WDR49: variants seen among roughly 807,000 people sequenced by gnomAD.
The protein encoded by WDR49 is WD repeat domain 49, also known as cilia- and flagella-associated protein 337.
Under a neutral mutation model 119.5 loss-of-function variants are expected in WDR49, and 107 were observed. That is an observed-to-expected ratio of 0.90 (90% CI 0.77 to 1.05). The LOEUF (loss-of-function observed/expected upper bound fraction) is 1.05, where lower values mean the gene tolerates loss of function less well. WDR49 is among the 50% of genes least tolerant of loss of function. The pLI is 0.00. For synonymous variants in WDR49, 425 were observed against 418.8 expected (o/e 1.01, Z -0.18); for missense variants, 1,240 against 1,220.5 (o/e 1.02, Z -0.24).
chr3:167,495,007 T>G (rs1415589401), intron 18 of WDR49, among the ~76,000 whole-genome samples: 1 of 152,168 alleles, frequency 6.6e-6, no homozygotes, highest in African/African-American at 2.4e-5. Flanking sequence ...TCTCATTCTC[T>G]CTGCCGAATT....
chr3:167,642,046 AAGGAT>A (rs1231528001), intron 2 of WDR49, among the ~76,000 whole-genome samples: 1 of 151,968 alleles, frequency 6.6e-6, no homozygotes, highest in Non-Finnish European at 1.5e-5. Context: ...ATGGGAAGAA[AAGGAT>A]AGGGAAGAGA....
At chr3:167,601,285 G>C (rs1212176398) in intron 7 of WDR49, among the ~76,000 whole-genome samples, 1 of 152,072 alleles carries the variant, frequency 6.6e-6, no homozygotes, top group Non-Finnish European at 1.5e-5. Flanking sequence ...GGTTAATTTT[G>C]GTAGAATTTA....
chr3:167,558,428 G>A (rs1427935018), intron 9 of WDR49, among the ~76,000 whole-genome samples: 2 of 152,070 alleles, frequency 1.3e-5, no homozygotes, highest in African/African-American at 4.8e-5. Context: ...CATAGAATAT[G>A]GTCAGAGAAA....
intron 16 of WDR49, among the ~76,000 whole-genome samples, chr3:167,521,677 CTACAAGAAT>C (rs1752438829): frequency 6.6e-6 from 1 of 152,088 alleles, no homozygotes; most frequent in Non-Finnish European, 1.5e-5. Context: ...ATATCTATCT[CTACAAGAAT>C]AAAATAGCCA....
intron 7 of WDR49, among the ~76,000 whole-genome samples, chr3:167,584,421 T>A (rs1158269532): frequency 6.6e-6 from 1 of 152,070 alleles, no homozygotes; most frequent in Non-Finnish European, 1.5e-5. Flanking sequence ...GGGCTTTTCA[T>A]GGGAATGGGA....
intron 11 of WDR49, among the ~76,000 whole-genome samples, chr3:167,535,702 G>A (rs756593669): frequency 8.5e-5 from 13 of 152,064 alleles, no homozygotes; most frequent in Non-Finnish European, 1.6e-4. Context: ...ATTGAAAATA[G>A]AACTACCATA....
intron 2 of WDR49, among the ~76,000 whole-genome samples, chr3:167,648,228 T>G (rs1440409271): frequency 6.6e-6 from 1 of 152,232 alleles, no homozygotes; most frequent in Non-Finnish European, 1.5e-5. Context: ...AATAACATGA[T>G]GCCAACATAA....
chr3:167,627,853 T>A (rs899602951), intron 2 of WDR49, among the ~76,000 whole-genome samples: 10 of 152,252 alleles, frequency 6.6e-5, no homozygotes, highest in Admixed American at 6.5e-4. Flanking sequence ...ACTTTGCCGA[T>A]ATTGTGATTT....
At chr3:167,508,855 A>C (rs1209388572) in intron 16 of WDR49, among the ~76,000 whole-genome samples, 2 of 152,202 alleles carry the variant, frequency 1.3e-5, no homozygotes, top group Admixed American at 1.3e-4. Context: ...ATGGGATTTT[A>C]ATATTTTGTG....
At chr3:167,516,902 C>T (rs1487975730) in intron 16 of WDR49, among the ~76,000 whole-genome samples, 1 of 152,014 alleles carries the variant, frequency 6.6e-6, no homozygotes, top group East Asian at 1.9e-4. Flanking sequence ...AAAAAGTGGG[C>T]AAAGGATATG....
At position 167,621,489 on chromosome 3, in the gene WDR49, GA is replaced by G. The variant is rs1716866446; in HGVS notation, c.760del (p.Ser254LeufsTer5). ...DPLDANESIL[S>X]FGDITGKVQA... ...TACCTTTCCAGTTATATCCCCAAAA[GA>G]AAGAATTGATTCATTGGCATCAAGA... On this transcript the variant is annotated frameshift_variant, in exon 4 of 19. Transcript: ENST00000682715. LOFTEE classifies it high-confidence loss of function. 1 of 1,532,626 alleles carries G rather than the reference GA, an allele frequency of 6.5e-7. No individual in the cohort carries two copies. The highest frequency in any genetic ancestry group is 8.7e-7 in the Non-Finnish European group (1 of 1,145,116). The allele number at this position is 1,532,626 out of a possible 1,614,324, so 94.9% of individuals were successfully genotyped here.
At chr3:167,596,874 A>G (rs1281575297) in intron 7 of WDR49, among the ~76,000 whole-genome samples, 1 of 147,596 alleles carries the variant, frequency 6.8e-6, no homozygotes, top group South Asian at 2.1e-4. Context: ...GTATAATAAT[A>G]AATAAATAAA....
intron 3 of WDR49, among the ~76,000 whole-genome samples, chr3:167,626,527 A>T (rs4484191): frequency 0.29 from 43,667 of 151,944 alleles, 6,826 homozygotes; most frequent in African/African-American, 0.41. Flanking sequence ...TTCCCCTTAA[A>T]TCCATTGAAT....
At chr3:167,615,443 T>TAAA (rs57991972) in intron 5 of WDR49, among the ~76,000 whole-genome samples, 3 of 135,096 alleles carry the variant, frequency 2.2e-5, no homozygotes, top group Admixed American at 7.5e-5. Context: ...GCTCTCCATT[T>TAAA]AAAAAAAAAA....
chr3:167,592,597 G>A (rs1177758173), intron 7 of WDR49, among the ~76,000 whole-genome samples: 1 of 151,934 alleles, frequency 6.6e-6, no homozygotes, highest in African/African-American at 2.4e-5. Flanking sequence ...ACCACGCCCA[G>A]CTAATTTTTG....
chr3:167,605,024 G>GTA (rs1329564338), intron 5 of WDR49, among the ~76,000 whole-genome samples: 5 of 151,318 alleles, frequency 3.3e-5, no homozygotes, highest in African/African-American at 1.2e-4. Context: ...GTGTGTGTGT[G>GTA]TGTGTGTGTG....
At chr3:167,564,574 A>C (rs984782708) in intron 8 of WDR49, among the ~76,000 whole-genome samples, 1 of 152,212 alleles carries the variant, frequency 6.6e-6, no homozygotes, top group African/African-American at 2.4e-5. Context: ...ATTTCTGATT[A>C]TCTCTTATCA....
intron 10 of WDR49, among the ~76,000 whole-genome samples, chr3:167,546,582 C>T (rs1415750434): frequency 6.6e-6 from 1 of 151,164 alleles, no homozygotes; most frequent in Non-Finnish European, 1.5e-5. Context: ...ATCACAACTA[C>T]TGCTACTGAA....
chr3:167,534,233 C>T (rs1752946045), intron 11 of WDR49, among the ~76,000 whole-genome samples: 2 of 152,000 alleles, frequency 1.3e-5, no homozygotes, highest in African/African-American at 2.4e-5. Context: ...ATCTCTGAAG[C>T]TCACAAATTG....
Sources: gnomAD v4.1 joint callset for allele counts (sites outside exome capture counted in the v4.1 genomes callset) on GRCh38, gnomAD v4.1.1 for gene constraint, MANE v1.5 for transcripts, NCBI Gene and HGNC (gene_info 2026-07-23, HGNC 2026-07-21) for gene names.